PCDH7: variants seen among roughly 807,000 people sequenced by gnomAD.
PCDH7 encodes the protein protocadherin 7.
In PCDH7, 17 loss-of-function variants were observed where a neutral mutation model predicts 58.9. That is an observed-to-expected ratio of 0.29 (90% CI 0.20 to 0.43). The LOEUF (loss-of-function observed/expected upper bound fraction) is 0.43, where lower values mean the gene tolerates loss of function less well. PCDH7 is among the 20% of genes least tolerant of loss of function. The probability of loss-of-function intolerance (pLI) is 1.00; values close to 1 mark genes in which losing one functional copy is unlikely to be tolerated. For synonymous variants in PCDH7, 664 were observed against 616.4 expected (o/e 1.08, Z -1.14); for missense variants, 1,274 against 1,441.0 (o/e 0.88, Z 1.88).
chr4:30,963,546 A>G (rs1026489098), intron 3 of PCDH7, among the ~76,000 whole-genome samples: 9 of 151,870 alleles, frequency 5.9e-5, no homozygotes, highest in Admixed American at 5.9e-4. Context: ...TAAATGTTAG[A>G]TTGAATTTAT....
At chr4:30,730,227 T>C (rs1715285996) in intron 1 of PCDH7, among the ~76,000 whole-genome samples, 1 of 152,052 alleles carries the variant, frequency 6.6e-6, no homozygotes, top group Non-Finnish European at 1.5e-5. Flanking sequence ...CATTCATTTA[T>C]TTACTATGAC....
At chr4:30,841,223 C>T (rs1560424940) in intron 1 of PCDH7, among the ~76,000 whole-genome samples, 1 of 151,932 alleles carries the variant, frequency 6.6e-6, no homozygotes, top group East Asian at 1.9e-4. Flanking sequence ...TTAAGACAGT[C>T]ACAAAGAAAG....
chr4:30,913,930 C>T (rs556129963), intron 1 of PCDH7, among the ~76,000 whole-genome samples: 1 of 152,240 alleles, frequency 6.6e-6, no homozygotes, highest in South Asian at 2.1e-4. Context: ...CTATGTTTGT[C>T]CTTTTAAGTC....
chr4:30,737,272 G>T (rs1716435120), downstream of PCDH7, among the ~76,000 whole-genome samples: 1 of 152,194 alleles, frequency 6.6e-6, no homozygotes, highest in African/African-American at 2.4e-5. Context: ...TAAAGCAACT[G>T]AAGAGAATAT....
At position 30,721,353 on chromosome 4, in the gene PCDH7, C is replaced by T; in HGVS notation, c.-70C>T. On this transcript the variant is annotated 5_prime_UTR_variant, in exon 1 of 2. Transcript: ENST00000361762. This position sits in a 1 kb window ranked among gnomAD's most constrained non-coding sequence, Gnocchi z 6.7. ...GAGGACTCGGGGGAGGGCAGGCGGC[C>T]GGCCCCGGAGGAGGGGGGCGCCGAG... 2.2e-6 allele frequency: 3 copies of T among 1,387,618 alleles called. No homozygotes were observed. Among genetic ancestry groups the T allele is most frequent in the South Asian group, 3.0e-5 (2 of 66,278 alleles). 86.0% of individuals were successfully genotyped at this position (1,387,618 alleles called of 1,614,324 possible). A position where few individuals can be genotyped will look rare whatever the true frequency, so the allele number is the denominator to read the frequency against.
chr4:30,874,399 A>G (rs551266132), intron 1 of PCDH7, among the ~76,000 whole-genome samples: 5 of 152,162 alleles, frequency 3.3e-5, no homozygotes, highest in African/African-American at 1.2e-4. Flanking sequence ...AATTTCATGG[A>G]TGAAATTGGA....
chr4:30,764,698 A>G (rs1720466837), intron 1 of PCDH7, among the ~76,000 whole-genome samples: 1 of 130,906 alleles, frequency 7.6e-6, no homozygotes, highest in African/African-American at 3.1e-5. Flanking sequence ...TGACCTGATT[A>G]TATGTTTGGT....
At chr4:31,126,900 CCAATACA>C (rs1182982402) in intron 3 of PCDH7, among the ~76,000 whole-genome samples, 14 of 152,106 alleles carry the variant, frequency 9.2e-5, no homozygotes, top group African/African-American at 3.4e-4. Flanking sequence ...AAGACACTGG[CCAATACA>C]CAAAGACTTG....
intron 1 of PCDH7, among the ~76,000 whole-genome samples, chr4:30,904,685 T>C (rs1418224576): frequency 6.6e-6 from 1 of 152,212 alleles, no homozygotes; most frequent in Non-Finnish European, 1.5e-5. Context: ...AATTAACATA[T>C]GCTCGGCGTT....
At chr4:31,092,549 G>A (rs1713393579) in intron 3 of PCDH7, among the ~76,000 whole-genome samples, 1 of 151,936 alleles carries the variant, frequency 6.6e-6, no homozygotes, top group Non-Finnish European at 1.5e-5. Context: ...GAATATGGTG[G>A]GGGTTAAAGA....
chr4:31,032,950 A>G (rs1274698207), intron 3 of PCDH7, among the ~76,000 whole-genome samples: 1 of 152,076 alleles, frequency 6.6e-6, no homozygotes, highest in Non-Finnish European at 1.5e-5. Flanking sequence ...TTTTTTGGTA[A>G]TTATTCACAT....
chr4:30,981,616 G>A (rs532710280), intron 3 of PCDH7, among the ~76,000 whole-genome samples: 52 of 152,180 alleles, frequency 3.4e-4, no homozygotes, highest in African/African-American at 1.3e-3. Flanking sequence ...TAAAATACAA[G>A]CTCTTCAAAG....
intron 1 of PCDH7, among the ~76,000 whole-genome samples, chr4:30,762,391 A>G (rs1391018997): frequency 1.3e-5 from 2 of 152,212 alleles, no homozygotes; most frequent in African/African-American, 2.4e-5. Flanking sequence ...CAATAAAACT[A>G]TAAGAGCTTC....
intron 3 of PCDH7, among the ~76,000 whole-genome samples, chr4:31,135,556 C>T (rs1719497689): frequency 1.3e-5 from 2 of 152,114 alleles, no homozygotes; most frequent in South Asian, 2.1e-4. Flanking sequence ...AAAATAGGTA[C>T]CCATTTGCTT....
At chr4:31,064,218 C>T (rs1380344013) in intron 3 of PCDH7, among the ~76,000 whole-genome samples, 3 of 151,854 alleles carry the variant, frequency 2.0e-5, no homozygotes, top group African/African-American at 7.2e-5. Context: ...TATTTCATTG[C>T]AACAGAATTG....
intron 1 of PCDH7, among the ~76,000 whole-genome samples, chr4:30,881,953 A>C (rs1404225818): frequency 6.6e-6 from 1 of 152,182 alleles, no homozygotes; most frequent in African/African-American, 2.4e-5. Flanking sequence ...CTGGCTAAAA[A>C]GCAGAGGGGC....
At chr4:30,929,958 A>G in intron 2 of PCDH7, among the ~76,000 whole-genome samples, 1 of 152,230 alleles carries the variant, frequency 6.6e-6, no homozygotes, top group Non-Finnish European at 1.5e-5. Context: ...ATAAGAATCC[A>G]TTGAGTAAAA....
chr4:30,796,019 CCATTTT>C (rs552276186), intron 1 of PCDH7, among the ~76,000 whole-genome samples: 20 of 152,220 alleles, frequency 1.3e-4, no homozygotes, highest in African/African-American at 4.6e-4. Flanking sequence ...ATTCTCATCT[CCATTTT>C]CATTTTTTTG....
At chr4:30,760,954 G>A (rs185403174) in intron 1 of PCDH7, among the ~76,000 whole-genome samples, 29 of 152,218 alleles carry the variant, frequency 1.9e-4, no homozygotes, top group Admixed American at 1.8e-3. Context: ...AGACCCACAA[G>A]CTTCCATTCA....
Sources: allele counts gnomAD v4.1 joint callset (sites outside exome capture counted in the v4.1 genomes callset), GRCh38; gene constraint gnomAD v4.1.1; non-coding constraint Gnocchi (gnomAD v3.1); transcripts MANE v1.5; gene names NCBI Gene and HGNC (gene_info 2026-07-23, HGNC 2026-07-21).